Variants in RGPD6 observed in about 807,000 individuals in gnomAD.
RGPD6 encodes the protein RANBP2-like and GRIP domain-containing protein 5/6.
At chr2:110,604,768 T>C in the RGPD6 span, among the ~76,000 whole-genome samples, 2 of 148,890 alleles carry the variant, frequency 1.3e-5, no homozygotes, top group Non-Finnish European at 3.0e-5. Context: ...TGAGAGGTTT[T>C]TTTTTCTTAA....
At chr2:110,600,036 C>T in the RGPD6 span, among the ~76,000 whole-genome samples, 34 of 152,216 alleles carry the variant, frequency 2.2e-4, no homozygotes, top group Admixed American at 2.0e-4. Flanking sequence ...CATGCTTCTG[C>T]GAAAAACTCA....
At chr2:110,610,739 T>C in the RGPD6 span, among the ~76,000 whole-genome samples, 4 of 145,576 alleles carry the variant, frequency 2.7e-5, no homozygotes, top group Admixed American at 2.7e-4. Context: ...GTCCCATTCC[T>C]GGAGCAGGGC....
the RGPD6 span, among the ~76,000 whole-genome samples, chr2:110,600,048 C>G: frequency 5.9e-5 from 9 of 152,124 alleles, no homozygotes; most frequent in Non-Finnish European, 1.3e-4. Context: ...AAAAACTCAG[C>G]AGGCTCCAAG....
chr2:110,593,497 GT>G, the RGPD6 span, among the ~76,000 whole-genome samples: 1 of 143,590 alleles, frequency 7.0e-6, no homozygotes, highest in Non-Finnish European at 1.5e-5. Context: ...GGCCCTGAAG[GT>G]ATTTGAATTT....
At chr2:110,596,935 A>G in the RGPD6 span, among the ~76,000 whole-genome samples, 2 of 123,722 alleles carry the variant, frequency 1.6e-5, no homozygotes, top group Non-Finnish European at 3.2e-5. Context: ...TATATATTAT[A>G]TATATTTTAT....
chr2:110,606,014 A>G, the RGPD6 span, among the ~76,000 whole-genome samples: 1 of 151,850 alleles, frequency 6.6e-6, no homozygotes, highest in East Asian at 1.9e-4. Context: ...AAGTTCCCAA[A>G]AAACACACTG....
the RGPD6 span, among the ~76,000 whole-genome samples, chr2:110,608,205 T>TAA: frequency 1.4e-5 from 2 of 141,988 alleles, no homozygotes; most frequent in East Asian, 4.3e-4. Context: ...TTAAATGAGC[T>TAA]AAAACATGTA....
the RGPD6 span, among the ~76,000 whole-genome samples, chr2:110,606,105 G>C: frequency 6.6e-6 from 1 of 151,768 alleles, no homozygotes; most frequent in Admixed American, 6.5e-5. Context: ...AAAGAAAAAA[G>C]AGAAAGAAAG....
chr2:110,610,080 GAAGA>G, the RGPD6 span, among the ~76,000 whole-genome samples: 1 of 135,416 alleles, frequency 7.4e-6, no homozygotes, highest in Non-Finnish European at 1.6e-5. Flanking sequence ...GACGAGGTGT[GAAGA>G]AAGGGCCCAG....
chr2:110,589,456 A>G, the RGPD6 span, among the ~76,000 whole-genome samples: 3 of 152,318 alleles, frequency 2.0e-5, no homozygotes, highest in South Asian at 6.2e-4. Context: ...TTTTATTTTA[A>G]GCTAAGAACA....
the RGPD6 span, among the ~76,000 whole-genome samples, chr2:110,605,067 C>T: frequency 1.3e-5 from 2 of 151,454 alleles, no homozygotes; most frequent in Non-Finnish European, 2.9e-5. Flanking sequence ...GGGCCCCAGC[C>T]CAGCTGGAGT....
At chr2:110,600,941 C>G in the RGPD6 span, among the ~76,000 whole-genome samples, 1 of 150,762 alleles carries the variant, frequency 6.6e-6, no homozygotes, top group East Asian at 2.0e-4. Context: ...CCCCTGCACT[C>G]CTTAACAGAA....
chr2:110,591,634 C>A, the RGPD6 span, among the ~76,000 whole-genome samples: 3 of 151,604 alleles, frequency 2.0e-5, no homozygotes, highest in Non-Finnish European at 4.4e-5. Flanking sequence ...CCTAACTGCA[C>A]CCCTGTCCCC....
the RGPD6 span, among the ~76,000 whole-genome samples, chr2:110,593,289 T>TATA: frequency 2.0e-5 from 3 of 148,112 alleles, 1 homozygote; most frequent in Non-Finnish European, 4.4e-5. Context: ...AGTGACCCCC[T>TATA]GAATGAGGGA....
chr2:110,603,822 C>G, the RGPD6 span, among the ~76,000 whole-genome samples: 1 of 145,290 alleles, frequency 6.9e-6, no homozygotes, highest in African/African-American at 2.6e-5. Context: ...AACTCTATTC[C>G]CACTTCCCAG....
chr2:110,605,899 C>G, the RGPD6 span, among the ~76,000 whole-genome samples: 1 of 151,364 alleles, frequency 6.6e-6, no homozygotes, highest in South Asian at 2.1e-4. Flanking sequence ...AAATGCCACC[C>G]CACCATGAAT....
the RGPD6 span, among the ~76,000 whole-genome samples, chr2:110,605,241 G>A: frequency 6.6e-6 from 1 of 151,780 alleles, no homozygotes; most frequent in African/African-American, 2.4e-5. Flanking sequence ...CTTCCCCACT[G>A]CTGCCCACAG....
At chr2:110,595,266 CAA>C in the RGPD6 span, among the ~76,000 whole-genome samples, 3 of 122,744 alleles carry the variant, frequency 2.4e-5, no homozygotes, top group Non-Finnish European at 5.1e-5. Context: ...TTATACAGTT[CAA>C]AAAAGTGTTA....
At chr2:110,576,927 C>G (rs770886147) in intron 1 of RGPD6, 26 bp downstream of exon 1, 4 of 1,027,238 alleles carry the variant, frequency 3.9e-6, no homozygotes, top group African/African-American at 2.2e-5. Flanking sequence ...TCGAGGCCGC[C>G]GTCGCTCTCT....
Sources: gnomAD v4.1 joint callset for allele counts (sites outside exome capture counted in the v4.1 genomes callset) on GRCh38, gnomAD v4.1.1 for gene constraint, MANE v1.5 for transcripts, NCBI Gene and HGNC (gene_info 2026-07-23, HGNC 2026-07-21) for gene names.